SLX4IP: variants seen among roughly 807,000 people sequenced by gnomAD.
SLX4IP encodes the protein protein SLX4IP.
Under a neutral mutation model 32.9 loss-of-function variants are expected in SLX4IP, and 34 were observed. That is an observed-to-expected ratio of 1.03 (90% CI 0.79 to 1.38). SLX4IP has a LOEUF of 1.38. Among genes scored for constraint, SLX4IP ranks in the 40% most tolerant of loss-of-function variants. The pLI is 0.00. For synonymous variants in SLX4IP, 172 were observed against 171.7 expected, an observed-to-expected ratio of 1.00 and a Z score of -0.01; for missense variants, 444 against 479.0, an observed-to-expected ratio of 0.93 and a Z score of 0.68.
In SLX4IP at chr20:10,624,142, T is replaced by C. The variant is rs1600169148; in HGVS notation, c.*763T>C. On this transcript the variant is annotated 3_prime_UTR_variant, in exon 8 of 8. Coordinates refer to ENST00000334534, the MANE Select transcript of SLX4IP (RefSeq NM_001009608.3). The stretch of plus-strand genomic sequence containing the variant: ...TCCGGGTTCTACAGTATGGCAGCCA[T>C]GGCACCCATGAAGGTGTTACTTTCC... The C allele has an allele frequency of 6.6e-6, 1 of 152,234 alleles. No homozygotes were observed. The highest frequency in any genetic ancestry group is 2.1e-4 in the South Asian group (1 of 4,828). 9.4% of individuals were successfully genotyped at this position (152,234 alleles called of 1,614,324 possible). A position where few individuals can be genotyped will look rare whatever the true frequency, so the allele number is the denominator to read the frequency against.
intron 2 of SLX4IP, among the ~76,000 whole-genome samples, chr20:10,532,844 C>T (rs2066001783): frequency 1.3e-5 from 2 of 151,630 alleles, no homozygotes; most frequent in South Asian, 2.1e-4. Context: ...AGCGTGATCT[C>T]GGCTCACTGT....
At chr20:10,593,836 T>G (rs188509395) in intron 4 of SLX4IP, among the ~76,000 whole-genome samples, 1 of 152,360 alleles carries the variant, frequency 6.6e-6, no homozygotes, top group Admixed American at 6.5e-5. Flanking sequence ...GGGAGATTAT[T>G]TTAGATTAAA....
chr20:10,611,506 G>A (rs558814174), intron 6 of SLX4IP, among the ~76,000 whole-genome samples: 24 of 152,274 alleles, frequency 1.6e-4, no homozygotes, highest in Non-Finnish European at 3.4e-4. Flanking sequence ...GGTTGGTCCC[G>A]GCAGCCTCAG....
At chr20:10,600,822 T>C (rs1337351600) in intron 5 of SLX4IP, among the ~76,000 whole-genome samples, 1 of 152,078 alleles carries the variant, frequency 6.6e-6, no homozygotes, top group East Asian at 1.9e-4. Context: ...ATATCAGACA[T>C]GTATATCATA....
At chr20:10,541,204 A>G (rs562302823) in intron 2 of SLX4IP, among the ~76,000 whole-genome samples, 400 of 152,358 alleles carry the variant, frequency 2.6e-3, no homozygotes, top group Non-Finnish European at 3.5e-3. Flanking sequence ...CACCTTTAAA[A>G]TAAAACAATT....
chr20:10,581,735 G>C (rs1372789011), intron 4 of SLX4IP, among the ~76,000 whole-genome samples: 1 of 152,094 alleles, frequency 6.6e-6, no homozygotes, highest in Non-Finnish European at 1.5e-5. Context: ...GGGCAACATA[G>C]TGATACCCCA....
intron 2 of SLX4IP, among the ~76,000 whole-genome samples, chr20:10,532,818 C>T (rs777023140): frequency 2.1e-4 from 32 of 151,690 alleles, no homozygotes; most frequent in Non-Finnish European, 3.2e-4. Flanking sequence ...CTCTGTCACC[C>T]GGGCTGGAGT....
chr20:10,438,112 C>T (rs549175957), intron 1 of SLX4IP, among the ~76,000 whole-genome samples: 1 of 152,078 alleles, frequency 6.6e-6, no homozygotes, highest in South Asian at 2.1e-4. Context: ...TTTATGCATG[C>T]AAATCACCAG....
chr20:10,626,163 C>A lies in SLX4IP; in HGVS notation c.*2784C>A, dbSNP rs1277509528. The A allele has an allele frequency of 6.8e-6, 1 of 146,978 alleles. No homozygotes were observed. Among genetic ancestry groups the A allele is most frequent in the Non-Finnish European group, 1.5e-5 (1 of 67,036 alleles). The allele number at this position is 146,978 out of a possible 1,614,324, so 9.1% of individuals were successfully genotyped here. Reference sequence around the variant, plus strand: ...CTGAGTAGCTGGGACTACAGACGCTCGCCACCACGCCCGGCTAATTTTTTG... The same window carrying A: ...CTGAGTAGCTGGGACTACAGACGCTAGCCACCACGCCCGGCTAATTTTTTG... On this transcript the variant is annotated 3_prime_UTR_variant, in exon 8 of 8. Coordinates refer to ENST00000334534, the MANE Select transcript of SLX4IP (RefSeq NM_001009608.3).
chr20:10,552,444 A>G (rs1217805542), intron 2 of SLX4IP, among the ~76,000 whole-genome samples: 1 of 150,938 alleles, frequency 6.6e-6, no homozygotes, highest in Admixed American at 6.6e-5. Flanking sequence ...CATGAGTGAC[A>G]AGAAGCAAAG....
chr20:10,562,729 T>C (rs2066346587), intron 4 of SLX4IP, among the ~76,000 whole-genome samples: 1 of 152,192 alleles, frequency 6.6e-6, no homozygotes, highest in Non-Finnish European at 1.5e-5. Context: ...ACAGATTTTA[T>C]TTTATTTATT....
At chr20:10,601,935 T>G (rs1368909613) in intron 6 of SLX4IP, 116 bp downstream of exon 6, 6 of 829,232 alleles carry the variant, frequency 7.2e-6, no homozygotes, top group Non-Finnish European at 1.2e-5. Flanking sequence ...ACCCAACGCA[T>G]GTTTTAAGGG....
chr20:10,467,395 T>G (rs1017433674), intron 2 of SLX4IP, among the ~76,000 whole-genome samples: 1 of 152,236 alleles, frequency 6.6e-6, no homozygotes, highest in African/African-American at 2.4e-5. Flanking sequence ...CTTTGGAGTG[T>G]GCAACCTTTG....
In SLX4IP at chr20:10,461,452, C is replaced by T. The variant is rs117530399; in HGVS notation, c.27+3221C>T. Among the ~76,000 whole-genome samples the T allele has an allele frequency of 6.6e-4, 101 of 152,338 alleles. 1 individual carries two copies. Among genetic ancestry groups the T allele is most frequent in the East Asian group, 3.1e-3 (16 of 5,186 alleles). ...GGATAGGGACAGGGTTCTGACACAT[C>T]GTATTGAAGGCTCTGCACATCACTT... is the stretch of plus-strand genomic sequence containing the variant. On this transcript the variant is annotated intron_variant, in intron 2 of 7. Transcript: ENST00000334534.
intron 2 of SLX4IP, among the ~76,000 whole-genome samples, chr20:10,526,847 G>A (rs1202756955): frequency 6.6e-6 from 1 of 152,130 alleles, no homozygotes; most frequent in Non-Finnish European, 1.5e-5. Context: ...ATCTACTTGG[G>A]AGGCTGAGAT....
chr20:10,486,183 AATT>A (rs775688622), intron 2 of SLX4IP, among the ~76,000 whole-genome samples: 1 of 48,562 alleles, frequency 2.1e-5, no homozygotes, highest in African/African-American at 8.6e-5. Context: ...TCCTTGCTTA[AATT>A]TTTTTTTTTT....
intron 2 of SLX4IP, among the ~76,000 whole-genome samples, chr20:10,540,132 CTTCCTTCCTTCT>C (rs1303373963): frequency 2.3e-4 from 31 of 137,452 alleles, no homozygotes; most frequent in South Asian, 2.3e-4. Flanking sequence ...TCCTTCCTTC[CTTCCTTCCTTCT>C]TTCCTTCCTT....
chr20:10,481,848 T>C (rs11698632), intron 2 of SLX4IP, among the ~76,000 whole-genome samples: 306 of 152,322 alleles, frequency 2.0e-3, no homozygotes, highest in Admixed American at 3.5e-3. Context: ...GGGGAGGATC[T>C]ATTTCTAAGT....
At chr20:10,549,596 G>C (rs1470449845) in intron 2 of SLX4IP, among the ~76,000 whole-genome samples, 1 of 152,226 alleles carries the variant, frequency 6.6e-6, no homozygotes, top group Non-Finnish European at 1.5e-5. Context: ...AGTGTGTCCT[G>C]AGTAGCCTTC....
Sources: allele counts gnomAD v4.1 joint callset (sites outside exome capture counted in the v4.1 genomes callset), GRCh38; gene constraint gnomAD v4.1.1; transcripts MANE v1.5; gene names NCBI Gene and HGNC (gene_info 2026-07-23, HGNC 2026-07-21).